Variants in JADE2 observed in about 807,000 individuals in gnomAD.
JADE2 encodes jade family PHD finger 2, also known as E3 ubiquitin-protein ligase Jade-2.
JADE2 carries 13 observed loss-of-function variants against 85.7 expected under a neutral mutation model. The ratio of observed to expected loss-of-function variants is 0.15; its 90% CI spans 0.10 to 0.24. JADE2 has a LOEUF of 0.24. Ranked by LOEUF, JADE2 falls within the 10% of genes least tolerant of loss-of-function variation. The pLI is 1.00. For synonymous variants in JADE2, 440 were observed against 456.1 expected (o/e 0.96, Z 0.45); for missense variants, 846 against 1,115.9 (o/e 0.76, Z 3.45).
chr5:134,560,966 A>AC lies in JADE2; in HGVS notation c.684+15dup, dbSNP rs529590193. 2.4e-5 allele frequency: 38 copies of AC among 1,606,466 alleles called. No homozygotes were observed. Among genetic ancestry groups the AC allele is most frequent in the African/African-American group, 4.0e-5 (3 of 74,474 alleles). On this transcript the variant is annotated intron_variant, in intron 6 of 11. Coordinates refer to ENST00000681547, the MANE Select transcript of JADE2 (RefSeq NM_001388185.1). ...ACGTCTGTGTGCATCAGGTGGGCAG[A>AC]CCCCCCAGTCACCCTCACCTGTGCC...
intron 2 of JADE2, 50 bp downstream of exon 2, chr5:134,535,965 TCAGGCCCA>T: frequency 6.6e-7 from 1 of 1,517,052 alleles, no homozygotes; most frequent in Non-Finnish European, 9.2e-7. Flanking sequence ...TGAACAGTGA[TCAGGCCCA>T]CAGGCCCAGA....
rs866808042 is a variant in JADE2 at position 134,566,564 on chromosome 5, G to A, written c.1418G>A (p.Arg473Gln). 1.3e-6 allele frequency: 2 copies of A among 1,562,838 alleles called. No individual in the cohort carries two copies. The highest frequency in any genetic ancestry group is 1.7e-6 in the Non-Finnish European group (2 of 1,153,268). The part of the protein sequence containing the change: ...YRRLKLFTHL[R>Q]QDLERVRNLC... ...CGCCTGAAGCTCTTCACCCATCTGC[G>A]GCAGGACCTAGAGAGGGTGAGTCCC... Residue 473 changes from arginine to glutamine, a missense_variant, in exon 9 of 12, where the codon CGG becomes CAG. By Grantham distance (43) the Arg-to-Gln change is conservative. Around this residue, in one of 9 missense-constraint regions of JADE2, gnomAD observed 88 missense variants for 140.6 expected, o/e 0.63. Transcript: ENST00000681547. The surrounding 1 kb of genome is among the most constrained non-coding windows in gnomAD (Gnocchi z 6.7).
At chr5:134,535,762 CATAAGTGTGGGGAGGTTGGTT>C (rs1561726414) in intron 1 of JADE2, 75 bp from the exon 2 acceptor site, 36 of 987,976 alleles carry the variant, frequency 3.6e-5, no homozygotes, top group Non-Finnish European at 5.4e-5. Context: ...TCTGCAGTGT[CATAAGTGTGGGGAGGTTGGTT>C]ATGGGGTGAT....
chr5:134,525,332 G>C (rs1055088594), upstream of JADE2, among the ~76,000 whole-genome samples: 5 of 152,030 alleles, frequency 3.3e-5, no homozygotes, highest in African/African-American at 1.2e-4. Context: ...GCCGCCGCTC[G>C]GGCCCGGCCC....
intron 3 of JADE2, among the ~76,000 whole-genome samples, chr5:134,551,217 ATTTTAT>A (rs1161189148): frequency 1.4e-5 from 1 of 72,092 alleles, no homozygotes; most frequent in South Asian, 4.5e-4. Context: ...TTTTTATTTT[ATTTTAT>A]TTTATTTATT....
At chr5:134,563,044 A>G (rs1763419443) in intron 7 of JADE2, among the ~76,000 whole-genome samples, 3 of 152,012 alleles carry the variant, frequency 2.0e-5, no homozygotes, top group African/African-American at 7.2e-5. Context: ...CAAAACAAAG[A>G]TAAGCCAGCT....
At chr5:134,568,579 A>G (rs958817748) in intron 9 of JADE2, among the ~76,000 whole-genome samples, 1 of 152,132 alleles carries the variant, frequency 6.6e-6, no homozygotes, top group African/African-American at 2.4e-5. Flanking sequence ...AGCAGGGCCA[A>G]TTTTGAAGTA....
At chr5:134,532,944 A>G (rs1183924593) in intron 1 of JADE2, among the ~76,000 whole-genome samples, 1 of 152,150 alleles carries the variant, frequency 6.6e-6, no homozygotes, top group Non-Finnish European at 1.5e-5. Context: ...TGTTATAACA[A>G]TTAAGCCACC....
Position 134,525,868 on chromosome 5 carries a change from C to CCGCGACCCCGGATGGATG in JADE2, c.-139_-122dup. 1.0e-6 allele frequency: 1 copy of CCGCGACCCCGGATGGATG among 989,646 alleles called. No individual in the cohort carries two copies. The highest frequency in any genetic ancestry group is 1.2e-6 in the Non-Finnish European group (1 of 832,498). 61.3% of individuals were successfully genotyped at this position (989,646 alleles called of 1,614,324 possible). ...GCCGCGGGCCCGGCCGCCTCCCTCG[C>CCGCGACCCCGGATGGATG]CGCGACCCCGGATGGATGCGCGCCC... On this transcript the variant is annotated 5_prime_UTR_variant, in exon 1 of 12. It adds an upstream start codon to the 5' untranslated region. Coordinates refer to ENST00000681547, the MANE Select transcript of JADE2 (RefSeq NM_001388185.1).
Position 134,534,588 on chromosome 5 carries a change from A to T in JADE2, c.1-1270A>T, listed in dbSNP as rs1295309085. ...CACCCACCTTAGAGAGCAGATGCTC[A>T]CTAGTCTCTGCAGGGCTGCAGTAAG... is the stretch of plus-strand genomic sequence containing the variant. On this transcript the variant is annotated intron_variant, in intron 1 of 11. Coordinates refer to ENST00000681547, the MANE Select transcript of JADE2 (RefSeq NM_001388185.1). 2.6e-5 allele frequency among the ~76,000 whole-genome samples: 4 copies of T among 152,150 alleles called. No individual in the cohort carries two copies. In the East Asian group the frequency reaches 7.7e-4, roughly 29 times the overall value.
intron 9 of JADE2, among the ~76,000 whole-genome samples, chr5:134,570,599 C>T (rs1342339887): frequency 1.3e-5 from 2 of 152,192 alleles, no homozygotes; most frequent in Non-Finnish European, 2.9e-5. Flanking sequence ...GCCACCTGGG[C>T]TGCCTGCAGC....
At chr5:134,569,388 A>G (rs1437093638) in intron 9 of JADE2, among the ~76,000 whole-genome samples, 2 of 152,202 alleles carry the variant, frequency 1.3e-5, no homozygotes, top group African/African-American at 4.8e-5. Flanking sequence ...CCGGCATGAA[A>G]TCCCATTTTA....
intron 3 of JADE2, among the ~76,000 whole-genome samples, chr5:134,542,496 C>A: frequency 7.4e-6 from 1 of 134,434 alleles, no homozygotes; most frequent in Non-Finnish European, 1.5e-5. Flanking sequence ...GGCTGTAGTG[C>A]AATGGTACGA....
chr5:134,564,334 G>A, intron 7 of JADE2, 160 bp from the exon 8 acceptor site: 1 of 546,740 alleles, frequency 1.8e-6, no homozygotes, highest in Non-Finnish European at 3.3e-6. Flanking sequence ...CGGCCTTTGA[G>A]CCATGCTTGT....
intron 1 of JADE2, among the ~76,000 whole-genome samples, chr5:134,532,638 T>C (rs1006554963): frequency 6.6e-6 from 1 of 152,140 alleles, no homozygotes; most frequent in Non-Finnish European, 1.5e-5. Flanking sequence ...TTGGGGGAGA[T>C]GGGGGAAGCC....
Position 134,573,690 on chromosome 5 carries a change from C to T in JADE2, c.1480C>T (p.His494Tyr), listed in dbSNP as rs1196102727. 6.2e-7 allele frequency: 1 copy of T among 1,613,880 alleles called. No individual in the cohort carries two copies. The highest frequency in any genetic ancestry group is 1.3e-5 in the African/African-American group (1 of 74,922). ...YMVTRRERTKHAICKLQEQIF... is the reference protein window; with the variant it reads ...YMVTRRERTKYAICKLQEQIF... ...GGTGACAAGGCGCGAGAGAACGAAA[C>T]ACGCCATCTGCAAACTCCAGGAGCA... The change falls in exon 10 of 12, where the codon CAC becomes TAC. Residue 494 changes from histidine to tyrosine, a missense_variant. His to Tyr is a moderately conservative substitution (Grantham distance 83, BLOSUM62 2). This residue lies in a region of JADE2 where 119 missense variants were observed against 163.9 expected (regional missense o/e 0.73). Transcript: ENST00000681547.
rs1435018199 is a variant in JADE2, at chr5:134,535,873, C to T, written c.16C>T (p.Arg6Ter). The part of the protein sequence containing the change: MEEKR[R>*]KYSISSDNSD... Reference sequence around the variant, plus strand: ...TTTGTTGCAGATGGAAGAGAAGAGGCGAAAATACTCCATCAGCAGTGACAA... The same window carrying T: ...TTTGTTGCAGATGGAAGAGAAGAGGTGAAAATACTCCATCAGCAGTGACAA... Residue 6 changes from arginine (R) to a stop codon, truncating the protein, a stop_gained, in exon 2 of 12, where the codon CGA (arginine) becomes TGA (stop). Transcript: ENST00000681547. LOFTEE classifies it high-confidence loss of function. The T allele has an allele frequency of 6.2e-7, 1 of 1,613,908 alleles. No homozygotes were observed. The highest frequency in any genetic ancestry group is 8.5e-7 in the Non-Finnish European group (1 of 1,179,868).
At chr5:134,564,428 T>G in intron 7 of JADE2, 66 bp from the exon 8 acceptor site, 37 of 1,082,962 alleles carry the variant, frequency 3.4e-5, no homozygotes, top group Non-Finnish European at 4.7e-5. Context: ...CAAACCCCCA[T>G]TTTGGAGATC....
chr5:134,531,882 G>GTTTTT (rs1351976124), intron 1 of JADE2, among the ~76,000 whole-genome samples: 9 of 83,056 alleles, frequency 1.1e-4, no homozygotes, highest in Non-Finnish European at 1.8e-4. Context: ...ACCGTGCCTG[G>GTTTTT]CTTTTTTTTT....
Sources: allele counts gnomAD v4.1 joint callset (sites outside exome capture counted in the v4.1 genomes callset), GRCh38; gene constraint gnomAD v4.1.1; regional missense constraint gnomAD v4.1.1; non-coding constraint Gnocchi (gnomAD v3.1); transcripts MANE v1.5; gene names NCBI Gene and HGNC (gene_info 2026-07-23, HGNC 2026-07-21).